PRKCH: variants seen among roughly 807,000 people sequenced by gnomAD.
The protein encoded by PRKCH is protein kinase C eta, also known as protein kinase C eta type.
Under a neutral mutation model 82.5 loss-of-function variants are expected in PRKCH, and 28 were observed. The observed-to-expected ratio is 0.34, with a 90% CI of 0.25 to 0.47. PRKCH has a LOEUF of 0.47. Among genes scored for constraint, PRKCH ranks in the 20% least tolerant of loss-of-function variants. The pLI, the probability that PRKCH is intolerant of heterozygous loss-of-function variation, is 1.00. For missense variants in PRKCH, 705 were observed against 881.8 expected, an observed-to-expected ratio of 0.80 and a Z score of 2.54; for synonymous variants, 322 against 327.4, an observed-to-expected ratio of 0.98 and a Z score of 0.18.
At chr14:61,444,745 T>G (rs1045714113) in intron 3 of PRKCH, among the ~76,000 whole-genome samples, 7 of 152,232 alleles carry the variant, frequency 4.6e-5, no homozygotes, top group Non-Finnish European at 1.0e-4. Flanking sequence ...GCGTAGCCTG[T>G]CAATGTCTCT....
chr14:61,195,262 G>A lies in PRKCH; in HGVS notation c.-19+7594G>A, dbSNP rs567339517. ...CTCAATGAGTTTATCTTCTATCTGT[G>A]GTACTTTCTGTGCCCAAATTTATGC... On this transcript the variant is annotated intron_variant, in intron 1 of 3. Coordinates refer to the PRKCH transcript ENST00000555185. Among the ~76,000 whole-genome samples, 424 of 152,074 alleles carry A rather than the reference G, an allele frequency of 2.8e-3. 4 individuals are homozygous for A. Among genetic ancestry groups the A allele is most frequent in the African/African-American group, 9.7e-3 (401 of 41,458 alleles).
In PRKCH at chr14:61,322,196, C is replaced by T. The variant is rs1253785238; in HGVS notation, c.95C>T (p.Ser32Leu). ...LQPTRWSLRH[S>L]LFKKGHQLLD... ...CCCACCCGCTGGTCCCTGCGCCACTCGCTCTTCAAGAAGGGCCACCAGCTG... is the reference window on the plus strand; with the variant it reads ...CCCACCCGCTGGTCCCTGCGCCACTTGCTCTTCAAGAAGGGCCACCAGCTG... The change falls in exon 1 of 14, where the codon TCG (serine) becomes TTG (leucine). Residue 32 changes from serine to leucine, a missense_variant. Physicochemically the swap from Ser to Leu is moderately radical, Grantham distance 145 (BLOSUM62 -2). Coordinates refer to ENST00000332981, the MANE Select transcript of PRKCH (RefSeq NM_006255.5). 1.9e-6 allele frequency: 3 copies of T among 1,612,630 alleles called. No homozygotes were observed. Among genetic ancestry groups the T allele is most frequent in the East Asian group, 4.5e-5 (2 of 44,722 alleles).
chr14:61,210,111 A>AATATATATATATATATATAT (rs60055073), intron 1 of PRKCH, among the ~76,000 whole-genome samples: 1 of 87,366 alleles, frequency 1.1e-5, no homozygotes, highest in Non-Finnish European at 2.5e-5. Flanking sequence ...CAAACAAACA[A>AATATATATATATATATATAT]ATATATATAT....
intron 1 of PRKCH, among the ~76,000 whole-genome samples, chr14:61,248,033 C>G (rs1205697412): frequency 1.3e-5 from 2 of 152,204 alleles, no homozygotes; most frequent in Non-Finnish European, 2.9e-5. Flanking sequence ...AGCTGTAAGA[C>G]TTCCTTGTAT....
At chr14:61,413,534 A>G (rs1456732093) in intron 2 of PRKCH, among the ~76,000 whole-genome samples, 4 of 151,466 alleles carry the variant, frequency 2.6e-5, no homozygotes, top group African/African-American at 9.7e-5. Flanking sequence ...CTGCATTCCC[A>G]CCCATCCTGA....
At chr14:61,370,404 A>G (rs1034898898) in intron 1 of PRKCH, among the ~76,000 whole-genome samples, 1 of 152,056 alleles carries the variant, frequency 6.6e-6, no homozygotes, top group Non-Finnish European at 1.5e-5. Flanking sequence ...GTTAAGTGCG[A>G]TGCCAGTTTG....
intron 1 of PRKCH, among the ~76,000 whole-genome samples, chr14:61,242,570 G>T (rs547534587): frequency 2.0e-5 from 3 of 152,062 alleles, no homozygotes; most frequent in African/African-American, 7.2e-5. Context: ...CTAAGTTTTT[G>T]TATTTTTTGG....
At chr14:61,296,756 A>G (rs539776504) in intron 1 of PRKCH, among the ~76,000 whole-genome samples, 1 of 152,270 alleles carries the variant, frequency 6.6e-6, no homozygotes, top group Non-Finnish European at 1.5e-5. Flanking sequence ...AGGTATTTCT[A>G]ATGATTTTGT....
At chr14:61,292,115 G>GT (rs2045368449) in intron 1 of PRKCH, among the ~76,000 whole-genome samples, 1 of 152,056 alleles carries the variant, frequency 6.6e-6, no homozygotes, top group African/African-American at 2.4e-5. Context: ...TAGGAGGAGA[G>GT]TTAAAAAATT....
At chr14:61,401,155 C>T (rs149607463) in intron 2 of PRKCH, among the ~76,000 whole-genome samples, 1,590 of 152,284 alleles carry the variant, frequency 0.01, 24 homozygotes, top group African/African-American at 0.036. Flanking sequence ...CATTCTCAGA[C>T]ATCAGGCATG....
chr14:61,478,382 C>T, intron 9 of PRKCH, among the ~76,000 whole-genome samples: 1 of 152,086 alleles, frequency 6.6e-6, no homozygotes, highest in East Asian at 1.9e-4. Flanking sequence ...ATACCAGGGA[C>T]TTGGGCACTG....
chr14:61,478,637 G>A lies in PRKCH; in HGVS notation c.1279-6865G>A, dbSNP rs539582666. 7.9e-5 allele frequency among the ~76,000 whole-genome samples: 12 copies of A among 152,230 alleles called. No individual in the cohort carries two copies. The South Asian group carries it at 2.3e-3, about 29-fold the overall frequency. On this transcript the variant is annotated intron_variant, in intron 9 of 13. Coordinates refer to ENST00000332981, the MANE Select transcript of PRKCH (RefSeq NM_006255.5). ...TGTAATCCCAGCACTTTGGGAGGCC[G>A]AGGTAGGATTGCTTGAGCCTAGGAG...
chr14:61,463,620 T>A (rs115876493), intron 9 of PRKCH, among the ~76,000 whole-genome samples: 3,974 of 152,332 alleles, frequency 0.026, 195 homozygotes, highest in African/African-American at 0.09. Context: ...CTCCTGGATC[T>A]GTTTTTCTGA....
chr14:61,482,852 C>A (rs1480770946), intron 9 of PRKCH, among the ~76,000 whole-genome samples: 3 of 152,192 alleles, frequency 2.0e-5, no homozygotes, highest in South Asian at 4.1e-4. Context: ...TTTCTCCCCC[C>A]AGATCTGGAA....
chr14:61,205,642 T>C (rs2044517206), intron 1 of PRKCH, among the ~76,000 whole-genome samples: 2 of 152,138 alleles, frequency 1.3e-5, no homozygotes, highest in Non-Finnish European at 2.9e-5. Flanking sequence ...GTGTCTCTCC[T>C]CTCTGCTTCC....
intron 2 of PRKCH, among the ~76,000 whole-genome samples, chr14:61,402,071 C>T (rs1881652641): frequency 6.6e-6 from 1 of 152,210 alleles, no homozygotes; most frequent in African/African-American, 2.4e-5. Context: ...AGCTTGACAA[C>T]TTCCCAGTAC....
At chr14:61,371,979 T>A (rs1166902244) in intron 1 of PRKCH, among the ~76,000 whole-genome samples, 3 of 152,084 alleles carry the variant, frequency 2.0e-5, no homozygotes, top group Non-Finnish European at 4.4e-5. Flanking sequence ...TATCACATGA[T>A]TGTGCTCCTC....
intron 2 of PRKCH, among the ~76,000 whole-genome samples, chr14:61,398,542 A>T (rs2046817962): frequency 6.6e-6 from 1 of 152,230 alleles, no homozygotes; most frequent in African/African-American, 2.4e-5. Flanking sequence ...CCACAAACTT[A>T]AATGGTTGGC....
At chr14:61,352,672 G>C (rs1168285770) in intron 1 of PRKCH, among the ~76,000 whole-genome samples, 2 of 135,380 alleles carry the variant, frequency 1.5e-5, no homozygotes, top group Admixed American at 1.5e-4. Context: ...GAGAGAGAGA[G>C]AGAGAGAGAA....
Sources: allele counts gnomAD v4.1 joint callset (sites outside exome capture counted in the v4.1 genomes callset), GRCh38; gene constraint gnomAD v4.1.1; transcripts MANE v1.5; gene names NCBI Gene and HGNC (gene_info 2026-07-23, HGNC 2026-07-21).